TRPC7: variants seen among roughly 807,000 people sequenced by gnomAD.
TRPC7 encodes short transient receptor potential channel 7.
Under a neutral mutation model 90.1 loss-of-function variants are expected in TRPC7, and 42 were observed. The observed-to-expected ratio is 0.47, with a 90% CI of 0.36 to 0.60. TRPC7 has a LOEUF of 0.60. TRPC7 is among the 20% of genes least tolerant of loss of function. TRPC7 has a pLI of 0.00. For synonymous variants in TRPC7, 451 were observed against 436.3 expected, an observed-to-expected ratio of 1.03 and a Z score of -0.42; for missense variants, 955 against 1,112.3, an observed-to-expected ratio of 0.86 and a Z score of 2.01.
chr5:136,318,419 G>T (rs1403984283), intron 2 of TRPC7, among the ~76,000 whole-genome samples: 6 of 152,010 alleles, frequency 3.9e-5, no homozygotes. Flanking sequence ...ACTTCCAGAT[G>T]AGTAAAGTGA....
intron 3 of TRPC7, among the ~76,000 whole-genome samples, chr5:136,300,159 T>C (rs1262599415): frequency 1.3e-5 from 2 of 152,214 alleles, no homozygotes; most frequent in Non-Finnish European, 2.9e-5. Context: ...TCATGACAAC[T>C]CTTACTTTGA....
chr5:136,258,005 A>T (rs900575609), intron 5 of TRPC7, among the ~76,000 whole-genome samples: 1 of 152,134 alleles, frequency 6.6e-6, no homozygotes, highest in Non-Finnish European at 1.5e-5. Flanking sequence ...AAGTCCCTTG[A>T]TTTGCTGTGG....
At chr5:136,339,855 C>A (rs75714275) in intron 2 of TRPC7, among the ~76,000 whole-genome samples, 10 of 108,678 alleles carry the variant, frequency 9.2e-5, no homozygotes, top group Admixed American at 2.1e-4. Context: ...ACAACAACAA[C>A]AACAACAACA....
intron 5 of TRPC7, among the ~76,000 whole-genome samples, chr5:136,264,694 G>A (rs1300573107): frequency 6.6e-6 from 1 of 151,996 alleles, no homozygotes; most frequent in Admixed American, 6.6e-5. Context: ...CTGGGTTCAA[G>A]CGATACTCCT....
intron 7 of TRPC7, among the ~76,000 whole-genome samples, chr5:136,232,724 T>C (rs1374484144): frequency 1.3e-5 from 2 of 152,252 alleles, no homozygotes; most frequent in African/African-American, 4.8e-5. Flanking sequence ...TGTATCAGGC[T>C]GATGACCTAG....
At chr5:136,289,779 G>A (rs1757868392) in intron 3 of TRPC7, among the ~76,000 whole-genome samples, 1 of 152,236 alleles carries the variant, frequency 6.6e-6, no homozygotes, top group Admixed American at 6.5e-5. Flanking sequence ...CTGTCTGACA[G>A]CTTTGAAGAG....
At chr5:136,352,457 C>A (rs1038429828) in intron 2 of TRPC7, among the ~76,000 whole-genome samples, 1 of 151,896 alleles carries the variant, frequency 6.6e-6, no homozygotes, top group Non-Finnish European at 1.5e-5. Context: ...TGGACCCTAA[C>A]CAATTTTATC....
intron 7 of TRPC7, among the ~76,000 whole-genome samples, chr5:136,242,394 C>T (rs1429997120): frequency 2.0e-5 from 3 of 152,144 alleles, no homozygotes; most frequent in Admixed American, 6.5e-5. Context: ...TCCCCTTAGG[C>T]CAGCACTGGA....
chr5:136,354,321 T>C (rs959830011), intron 2 of TRPC7, among the ~76,000 whole-genome samples: 3 of 152,220 alleles, frequency 2.0e-5, no homozygotes, highest in Non-Finnish European at 2.9e-5. Flanking sequence ...TACCTCTACA[T>C]CCACTAAGTT....
chr5:136,260,429 A>G (rs1756819885), intron 5 of TRPC7, among the ~76,000 whole-genome samples: 1 of 152,086 alleles, frequency 6.6e-6, no homozygotes, highest in African/African-American at 2.4e-5. Context: ...CTGTTGAGTA[A>G]AGACCTGAGG....
At chr5:136,344,610 C>G (rs139134916) in intron 2 of TRPC7, among the ~76,000 whole-genome samples, 2 of 152,176 alleles carry the variant, frequency 1.3e-5, no homozygotes, top group African/African-American at 4.8e-5. Flanking sequence ...GACAGCAGCA[C>G]GTGGCACATC....
At chr5:136,215,972 TG>T (rs1218705783) in intron 11 of TRPC7, among the ~76,000 whole-genome samples, 2 of 152,128 alleles carry the variant, frequency 1.3e-5, no homozygotes, top group Non-Finnish European at 2.9e-5. Context: ...ACAGACCAAG[TG>T]CTGGAGCTCA....
At position 136,259,431 on chromosome 5, in the gene TRPC7, G is replaced by A. The variant is rs1371362175; in HGVS notation, c.1345+6789C>T. Reference sequence around the variant, plus strand: ...GAGGCAAAGCCACCAAAGAGAAAGGGACACACTCCCAAGCTCTTCTCCTAT... The same window carrying A: ...GAGGCAAAGCCACCAAAGAGAAAGGAACACACTCCCAAGCTCTTCTCCTAT... On this transcript the variant is annotated intron_variant, in intron 5 of 11. Transcript: ENST00000513104. 4.6e-5 allele frequency among the ~76,000 whole-genome samples: 7 copies of A among 152,308 alleles called. 1 individual carries two copies. Among genetic ancestry groups the A allele is most frequent in the Admixed American group, 3.9e-4 (6 of 15,294 alleles).
intron 3 of TRPC7, among the ~76,000 whole-genome samples, chr5:136,302,519 T>A (rs1460214013): frequency 6.6e-6 from 1 of 152,150 alleles, no homozygotes; most frequent in African/African-American, 2.4e-5. Flanking sequence ...TCCATGTCTC[T>A]ATGCTCTCTT....
intron 2 of TRPC7, among the ~76,000 whole-genome samples, chr5:136,349,659 G>A (rs1378549054): frequency 6.6e-6 from 1 of 152,188 alleles, no homozygotes; most frequent in Non-Finnish European, 1.5e-5. Context: ...TTTTCTGGAG[G>A]TTAAATGGGA....
intron 10 of TRPC7, among the ~76,000 whole-genome samples, chr5:136,224,298 C>T (rs894837259): frequency 6.6e-6 from 1 of 152,170 alleles, no homozygotes; most frequent in Non-Finnish European, 1.5e-5. Context: ...TTATCACTGG[C>T]GCATGGGCTG....
At chr5:136,320,482 G>A (rs1164012060) in intron 2 of TRPC7, among the ~76,000 whole-genome samples, 1 of 152,134 alleles carries the variant, frequency 6.6e-6, no homozygotes, top group Non-Finnish European at 1.5e-5. Context: ...CAAAGTAAAA[G>A]TGGGGTCGTC....
intron 2 of TRPC7, among the ~76,000 whole-genome samples, chr5:136,332,443 G>T (rs946549884): frequency 3.9e-5 from 6 of 152,236 alleles, no homozygotes; most frequent in Non-Finnish European, 4.4e-5. Flanking sequence ...TATGATTTAT[G>T]CTGTAAGAGG....
At chr5:136,347,448 A>T (rs1395277766) in intron 2 of TRPC7, among the ~76,000 whole-genome samples, 1 of 152,212 alleles carries the variant, frequency 6.6e-6, no homozygotes, top group Non-Finnish European at 1.5e-5. Flanking sequence ...CTTTAGTTTA[A>T]CATAAATCAG....
Sources: gnomAD v4.1 joint callset for allele counts (sites outside exome capture counted in the v4.1 genomes callset) on GRCh38, gnomAD v4.1.1 for gene constraint, MANE v1.5 for transcripts, NCBI Gene and HGNC (gene_info 2026-07-23, HGNC 2026-07-21) for gene names.